MCPH1: variants seen among roughly 807,000 people sequenced by gnomAD.
The protein encoded by MCPH1 is microcephalin.
In MCPH1, 104 loss-of-function variants were observed where a neutral mutation model predicts 84.5. The ratio of observed to expected loss-of-function variants is 1.23; its 90% CI spans 1.05 to 1.45. The LOEUF is 1.45. Ranked by LOEUF, MCPH1 falls within the 40% of genes most tolerant of loss-of-function variation. The pLI, the probability that MCPH1 is intolerant of heterozygous loss-of-function variation, is 0.00. For missense variants in MCPH1, 1,498 were observed against 1,005.7 expected (o/e 1.49, Z -6.62); for synonymous variants, 514 against 366.8 (o/e 1.40, Z -4.58).
chr8:6,451,440 C>A (rs1407941079), intron 8 of MCPH1, among the ~76,000 whole-genome samples: 1 of 152,236 alleles, frequency 6.6e-6, no homozygotes, highest in African/African-American at 2.4e-5. Flanking sequence ...AGATACTTTA[C>A]ACACAAGTAT....
intron 9 of MCPH1, chr8:6,474,344 C>T: frequency 2.4e-6 from 1 of 423,816 alleles, no homozygotes; most frequent in East Asian, 4.7e-5. Context: ...TGACACGTTT[C>T]TATCACCAAG....
intron 12 of MCPH1, chr8:6,616,181 C>T (rs1365911971): frequency 6.6e-6 from 1 of 152,188 alleles, no homozygotes; most frequent in East Asian, 1.9e-4. Flanking sequence ...CCCTGTAAGA[C>T]ACGTCCTGTA....
At chr8:6,513,335 CTTTTT>C (rs1189719867) in intron 12 of MCPH1, among the ~76,000 whole-genome samples, 2 of 143,228 alleles carry the variant, frequency 1.4e-5, no homozygotes, top group African/African-American at 2.5e-5. Context: ...TTTTCTTTTT[CTTTTT>C]TTTTTTTTTT....
chr8:6,461,029 G>A (rs1399516871), intron 9 of MCPH1, among the ~76,000 whole-genome samples: 1 of 152,118 alleles, frequency 6.6e-6, no homozygotes, highest in East Asian at 1.9e-4. Context: ...GCTTCTCTGA[G>A]AAGACAGCAG....
chr8:6,529,623 ATTTTTTT>A lies in MCPH1; in HGVS notation c.2214+29709_2214+29715del, dbSNP rs35322987. Among the ~76,000 whole-genome samples the A allele has an allele frequency of 2.3e-3, 274 of 120,962 alleles. 2 individuals are homozygous for A. In the South Asian group the frequency reaches 0.023, roughly 10 times the overall value. 79.4% of individuals were successfully genotyped at this position (120,962 alleles called of 152,430 possible). A position where few individuals can be genotyped will look rare whatever the true frequency, so the allele number is the denominator to read the frequency against. On this transcript the variant is annotated intron_variant, in intron 12 of 13. Coordinates refer to ENST00000344683, the MANE Select transcript of MCPH1 (RefSeq NM_024596.5). ...AAGTGCACACAAGCACGCCTGGCTA[ATTTTTTT>A]TTTTTTTTTTTTTTGGTAGAGATGG... is the stretch of plus-strand genomic sequence containing the variant.
chr8:6,612,413 G>C (rs936374756), intron 12 of MCPH1, among the ~76,000 whole-genome samples: 1 of 152,092 alleles, frequency 6.6e-6, no homozygotes, highest in African/African-American at 2.4e-5. Context: ...CCTTCTCCAC[G>C]TGCCGCCTGG....
intron 8 of MCPH1, among the ~76,000 whole-genome samples, chr8:6,454,684 C>T (rs2129556758): frequency 6.6e-6 from 1 of 152,244 alleles, no homozygotes; most frequent in East Asian, 1.9e-4. Context: ...AATCATCATC[C>T]ATCATTTGTA....
At chr8:6,450,695 T>C (rs993029337) in intron 8 of MCPH1, among the ~76,000 whole-genome samples, 2 of 152,222 alleles carry the variant, frequency 1.3e-5, no homozygotes, top group East Asian at 1.9e-4. Context: ...TTTTGGCTTT[T>C]AACAAAGCAT....
chr8:6,584,265 C>G (rs1376875820), intron 12 of MCPH1, among the ~76,000 whole-genome samples: 2 of 152,200 alleles, frequency 1.3e-5, no homozygotes, highest in Non-Finnish European at 2.9e-5. Context: ...TCTGGTGCAG[C>G]TACCCGTCTG....
At chr8:6,543,322 A>G (rs1821944507) in intron 12 of MCPH1, among the ~76,000 whole-genome samples, 1 of 152,202 alleles carries the variant, frequency 6.6e-6, no homozygotes, top group Non-Finnish European at 1.5e-5. Flanking sequence ...TTGTACAGTT[A>G]CTTTCTCAGT....
At chr8:6,488,219 C>A (rs1215325816) in intron 11 of MCPH1, among the ~76,000 whole-genome samples, 1 of 152,224 alleles carries the variant, frequency 6.6e-6, no homozygotes, top group African/African-American at 2.4e-5. Flanking sequence ...CCTCCATCCC[C>A]CTGTCTGCTG....
chr8:6,570,183 G>A (rs140085132), intron 12 of MCPH1, among the ~76,000 whole-genome samples: 82 of 152,318 alleles, frequency 5.4e-4, no homozygotes, highest in African/African-American at 1.8e-3. Context: ...TATGATGTAT[G>A]TTTTAGAATA....
At chr8:6,539,618 G>A (rs778718313) in intron 12 of MCPH1, among the ~76,000 whole-genome samples, 18 of 151,942 alleles carry the variant, frequency 1.2e-4, no homozygotes, top group African/African-American at 3.4e-4. Flanking sequence ...ATGGAGTCTC[G>A]CTCTGTCTCT....
intron 12 of MCPH1, among the ~76,000 whole-genome samples, chr8:6,518,056 C>T (rs1816616232): frequency 6.6e-6 from 1 of 152,054 alleles, no homozygotes; most frequent in African/African-American, 2.4e-5. Flanking sequence ...TTTCATCTTT[C>T]TGCAGAATAT....
chr8:6,406,979 A>G, intron 1 of MCPH1: 2 of 390,838 alleles, frequency 5.1e-6, no homozygotes, highest in East Asian at 5.6e-5. Flanking sequence ...CCTCCCCCGT[A>G]CTGCTTGTGC....
intron 12 of MCPH1, among the ~76,000 whole-genome samples, chr8:6,571,652 G>C (rs984799893): frequency 1.3e-5 from 2 of 151,992 alleles, no homozygotes; most frequent in African/African-American, 4.8e-5. Flanking sequence ...TTTACATTAA[G>C]ATATATTATC....
chr8:6,519,790 G>A, intron 12 of MCPH1: 11 of 1,540,398 alleles, frequency 7.1e-6, no homozygotes, highest in Non-Finnish European at 8.9e-7. Flanking sequence ...AGAGACTTCT[G>A]CTCTCTGGTT....
At chr8:6,604,481 T>A (rs530227722) in intron 12 of MCPH1, among the ~76,000 whole-genome samples, 22 of 152,254 alleles carry the variant, frequency 1.4e-4, no homozygotes, top group Non-Finnish European at 1.2e-4. Flanking sequence ...TGAGAGCACA[T>A]GTCAGAATTC....
At chr8:6,570,481 A>G (rs773209560) in intron 12 of MCPH1, among the ~76,000 whole-genome samples, 4 of 152,110 alleles carry the variant, frequency 2.6e-5, no homozygotes, top group East Asian at 3.8e-4. Flanking sequence ...CCCCCGCATT[A>G]TAGTTGTGTT....
Sources: allele counts gnomAD v4.1 joint callset (sites outside exome capture counted in the v4.1 genomes callset), GRCh38; gene constraint gnomAD v4.1.1; transcripts MANE v1.5; gene names NCBI Gene and HGNC (gene_info 2026-07-23, HGNC 2026-07-21).